Variants in BIN1 observed in about 807,000 individuals in gnomAD.
BIN1 encodes the protein bridging integrator 1.
BIN1 carries 53 observed loss-of-function variants against 82.0 expected under a neutral mutation model. That is an observed-to-expected ratio of 0.65 (90% confidence interval 0.52 to 0.81). The LOEUF is 0.81. BIN1 is among the 40% of genes least tolerant of loss of function. The probability of loss-of-function intolerance (pLI) is 0.00; values close to 1 mark genes in which losing one functional copy is unlikely to be tolerated. For synonymous variants in BIN1, 302 were observed against 328.0 expected (o/e 0.92, Z 0.86); for missense variants, 642 against 784.4 (o/e 0.82, Z 2.17).
rs1254432224 is a variant in BIN1 at position 127,059,290 on chromosome 2, G to GTA, written c.858-136_858-135insTA. The GTA allele has an allele frequency of 3.6e-5, 33 of 912,978 alleles. No homozygotes were observed. The African/African-American group carries it at 5.2e-4, about 15-fold the overall frequency. 56.6% of individuals were successfully genotyped at this position (912,978 alleles called of 1,614,324 possible). A position where few individuals can be genotyped will look rare whatever the true frequency, so the allele number is the denominator to read the frequency against. ...TGAAACTGTGTGTGTGTGTGTGTGT[G>GTA]TGTATGTGAGAGAGAGCAGGAGGGT... On this transcript the variant is annotated intron_variant, in intron 10 of 18. Transcript: ENST00000316724. The surrounding 1 kb of genome is among the most constrained non-coding windows in gnomAD (Gnocchi z 6.7).
intron 1 of BIN1, among the ~76,000 whole-genome samples, chr2:127,094,647 C>T (rs1004697043): frequency 6.6e-6 from 1 of 152,224 alleles, no homozygotes; most frequent in Non-Finnish European, 1.5e-5. Flanking sequence ...CCTAGTCTCT[C>T]GCAGTGCAGC....
intron 10 of BIN1, among the ~76,000 whole-genome samples, chr2:127,061,134 G>A (rs1001145617): frequency 6.6e-6 from 1 of 151,938 alleles, no homozygotes; most frequent in Non-Finnish European, 1.5e-5. Context: ...TGTGCCTACA[G>A]GCCAGGCAGC....
downstream of BIN1, chr2:127,048,024 A>C (rs1259601392): frequency 1.0e-5 from 2 of 200,866 alleles, no homozygotes; most frequent in South Asian, 8.4e-5. Flanking sequence ...AAATACACAC[A>C]CGTTTTCTGA....
intron 9 of BIN1, among the ~76,000 whole-genome samples, chr2:127,062,894 G>A (rs1684685845): frequency 6.6e-6 from 1 of 152,226 alleles, no homozygotes; most frequent in African/African-American, 2.4e-5. Context: ...TTAGAAGTGT[G>A]AGTCAGGGGA....
intron 1 of BIN1, among the ~76,000 whole-genome samples, chr2:127,088,411 T>C (rs946430482): frequency 2.0e-5 from 3 of 151,880 alleles, no homozygotes; most frequent in Non-Finnish European, 4.4e-5. Context: ...AGGGAGGCAA[T>C]GTTGAAAGGT....
chr2:127,070,527 G>A, intron 4 of BIN1, 26 bp downstream of exon 4: 1 of 1,612,998 alleles, frequency 6.2e-7, no homozygotes. Context: ...CTCTGAGAAG[G>A]GCAGGCCCAC....
At chr2:127,074,425 GCAGA>G (rs1321005761) in intron 2 of BIN1, among the ~76,000 whole-genome samples, 1 of 152,190 alleles carries the variant, frequency 6.6e-6, no homozygotes, top group Non-Finnish European at 1.5e-5. Context: ...GAGCCCGGGG[GCAGA>G]CAGAGGCCCA....
In BIN1 at chr2:127,069,021, G is replaced by A. The variant is rs1685518327; in HGVS notation, c.422C>T (p.Ala141Val). 1 of 1,614,058 alleles carries A rather than the reference G, an allele frequency of 6.2e-7. No homozygotes were observed. Among genetic ancestry groups the A allele is most frequent in the Non-Finnish European group, 8.5e-7 (1 of 1,180,000 alleles). Reference sequence around the variant, plus strand: ...GTCCACCAGCTTGCGCCCCCGCTTGGCAATGCGTGACTGGGGCAGACAGAG... The same window carrying A: ...GTCCACCAGCTTGCGCCCCCGCTTGACAATGCGTGACTGGGGCAGACAGAG... ...GQFPDIKSRI[A>V]KRGRKLVDYD... The change falls in exon 6 of 19, where the codon GCC (alanine) becomes GTC (valine). Residue 141 changes from alanine (A) to valine (V), a missense_variant. Transcript: ENST00000316724.
chr2:127,050,331 C>G, intron 18 of BIN1, 90 bp downstream of exon 18: 2 of 1,426,548 alleles, frequency 1.4e-6, no homozygotes, highest in Non-Finnish European at 2.0e-6. Flanking sequence ...TCTGCTGCCC[C>G]CTGCTGGCCT....
At chr2:127,103,314 C>T (rs768499732) in intron 1 of BIN1, among the ~76,000 whole-genome samples, 2 of 152,174 alleles carry the variant, frequency 1.3e-5, no homozygotes, top group Non-Finnish European at 2.9e-5. Flanking sequence ...CGTGAGGAGA[C>T]CTTGACCACG....
chr2:127,081,687 G>T, intron 1 of BIN1: 1 of 888,256 alleles, frequency 1.1e-6, no homozygotes, highest in Non-Finnish European at 1.5e-6. Context: ...CCAGCCAGCG[G>T]CACCCCTCGT....
In BIN1 at chr2:127,106,844, G is replaced by T. The variant is rs776171389; in HGVS notation, c.84+16C>A. 1.4e-5 allele frequency: 22 copies of T among 1,587,894 alleles called. No homozygotes were observed. The South Asian group carries it at 2.3e-4, about 17-fold the overall frequency. On this transcript the variant is annotated intron_variant, in intron 1 of 18. Transcript: ENST00000316724. ...CGGCTGGGACTCCGCGGCTGCTGGG[G>T]CTCCGGCTCGCTCACCTTCTCCTGC...
chr2:127,063,790 A>G (rs1684806627), intron 8 of BIN1, 143 bp downstream of exon 8: 1 of 1,392,640 alleles, frequency 7.2e-7, no homozygotes, highest in Non-Finnish European at 1.0e-6. Context: ...CAGGCTGGAC[A>G]CTGCAGCACA....
Position 127,063,642 on chromosome 2 carries a change from C to T in BIN1, c.703G>A (p.Val235Ile), listed in dbSNP as rs772153287. ...TGGAACGTGTTGACGTAGAAACCTACGCGGCTACAGAAGGGCGGAAGGATG... is the reference window on the plus strand; with the variant it reads ...TGGAACGTGTTGACGTAGAAACCTATGCGGCTACAGAAGGGCGGAAGGATG... ...EELPSLWNSR[V>I]GFYVNTFQSI... Residue 235 changes from valine (V) to isoleucine (I), a missense_variant, in exon 9 of 19, where the codon GTA (valine) becomes ATA (isoleucine). Coordinates refer to ENST00000316724, the MANE Select transcript of BIN1 (RefSeq NM_139343.3). 12 of 1,613,450 alleles carry T rather than the reference C, an allele frequency of 7.4e-6. No homozygotes were observed. Among genetic ancestry groups the T allele is most frequent in the South Asian group, 3.3e-5 (3 of 90,938 alleles).
intron 18 of BIN1, among the ~76,000 whole-genome samples, chr2:127,049,629 G>A (rs1388767004): frequency 6.6e-6 from 1 of 152,212 alleles, no homozygotes; most frequent in Non-Finnish European, 1.5e-5. Context: ...ACAGCCCGAG[G>A]TGCTCAGGGG....
Position 127,070,773 on chromosome 2 carries a change from G to C in BIN1, c.209C>G (p.Ala70Gly). 1.2e-6 allele frequency: 2 copies of C among 1,613,638 alleles called. No homozygotes were observed. The highest frequency in any genetic ancestry group is 1.7e-4 in the Middle Eastern group (1 of 5,760). Residue 70 changes from alanine (A) to glycine (G), a missense_variant, in exon 3 of 19, where the codon GCC becomes GGC. Coordinates refer to ENST00000316724, the MANE Select transcript of BIN1 (RefSeq NM_139343.3). ...TGCCTGCCTCCTACCTTTGACGGAG[G>C]CCAGGTAGGTCCGGAGATCCTTCTG... ...RLQKDLRTYLASVKAMHEASK... is the reference protein window; with the variant it reads ...RLQKDLRTYLGSVKAMHEASK...
Position 127,070,483 on chromosome 2 carries a change from G to A in BIN1, c.315+70C>T, listed in dbSNP as rs149493712. 4.3e-3 allele frequency: 6,681 copies of A among 1,563,384 alleles called. 58 individuals are homozygous for A. Among genetic ancestry groups the A allele is most frequent in the Middle Eastern group, 0.042 (235 of 5,532 alleles). ...CAGAGAGGCTTGTCCCAGAGGGCAC[G>A]GCAGAGTGGGACAGGAGCTGAGACC... is the stretch of plus-strand genomic sequence containing the variant. On this transcript the variant is annotated intron_variant, in intron 4 of 18. Transcript: ENST00000316724.
At chr2:127,103,826 T>C (rs1346318982) in intron 1 of BIN1, among the ~76,000 whole-genome samples, 1 of 152,202 alleles carries the variant, frequency 6.6e-6, no homozygotes, top group Non-Finnish European at 1.5e-5. Flanking sequence ...CACAATCATT[T>C]ATAGAGGGTT....
intron 1 of BIN1, among the ~76,000 whole-genome samples, chr2:127,077,547 C>A (rs1382000152): frequency 1.3e-5 from 2 of 152,024 alleles, no homozygotes; most frequent in African/African-American, 4.8e-5. Context: ...TGCTGACCAT[C>A]ACGCTCTCCC....
Sources: allele counts gnomAD v4.1 joint callset (sites outside exome capture counted in the v4.1 genomes callset), GRCh38; gene constraint gnomAD v4.1.1; non-coding constraint Gnocchi (gnomAD v3.1); transcripts MANE v1.5; gene names NCBI Gene and HGNC (gene_info 2026-07-23, HGNC 2026-07-21).